SLC25A24: variants seen among roughly 807,000 people sequenced by gnomAD.
SLC25A24 encodes solute carrier family 25 member 24, also known as mitochondrial adenyl nucleotide antiporter SLC25A24.
A neutral mutation model predicts 60.7 loss-of-function variants in SLC25A24; 49 were observed. That is an observed-to-expected ratio of 0.81 (90% CI 0.64 to 1.02). SLC25A24 has a LOEUF of 1.02. Among genes scored for constraint, SLC25A24 ranks in the 50% least tolerant of loss-of-function variants. The pLI, the probability that SLC25A24 is intolerant of heterozygous loss-of-function variation, is 0.00. For missense variants in SLC25A24, 564 were observed against 586.3 expected, an observed-to-expected ratio of 0.96 and a Z score of 0.39; for synonymous variants, 202 against 200.6, an observed-to-expected ratio of 1.01 and a Z score of -0.06.
intron 7 of SLC25A24, among the ~76,000 whole-genome samples, chr1:108,147,873 A>G (rs1679649039): frequency 6.6e-6 from 1 of 151,778 alleles, no homozygotes; most frequent in African/African-American, 2.4e-5. Flanking sequence ...GAGGCAAAAG[A>G]TACCAGCTTT....
rs1279392614 is a variant in SLC25A24 at position 108,200,064 on chromosome 1, C to T, written c.75G>A (p.Glu25=). 2.5e-6 allele frequency: 4 copies of T among 1,598,950 alleles called. No homozygotes were observed. The South Asian group carries it at 3.4e-5, about 14-fold the overall frequency. The change falls in exon 1 of 10, where the codon GAG becomes GAA. Residue 25 remains glutamate, a synonymous_variant. Transcript: ENST00000565488. ...TGCGGTCCAGTGCCTGGAAGAGGGT[C>T]TCGTAGCGCGTCGGCTGCTCCGCGT... is the stretch of plus-strand genomic sequence containing the variant. The part of the protein sequence containing the change: ...CQDAEQPTRY[E]TLFQALDRNG...
Position 108,135,362 on chromosome 1 carries a change from A to C in SLC25A24, c.*1291T>G, listed in dbSNP as rs1221940709. 1.3e-5 allele frequency: 2 copies of C among 152,732 alleles called. No individual in the cohort carries two copies. The highest frequency in any genetic ancestry group is 3.9e-4 in the East Asian group (2 of 5,194). 9.5% of individuals were successfully genotyped at this position (152,732 alleles called of 1,614,324 possible). On this transcript the variant is annotated 3_prime_UTR_variant, in exon 10 of 10. Coordinates refer to ENST00000565488, the MANE Select transcript of SLC25A24 (RefSeq NM_013386.5). ...CATTAAAATGCTGGAAATTTATAAC[A>C]GAAATTATTAGAAGTGAAATGAGTT...
At chr1:108,160,002 T>C (rs1189284244) in intron 4 of SLC25A24, among the ~76,000 whole-genome samples, 1 of 152,002 alleles carries the variant, frequency 6.6e-6, no homozygotes, top group African/African-American at 2.4e-5. Context: ...GATGGGGTGG[T>C]GGCCGGGCAG....
chr1:108,167,154 A>T (rs2101624843), intron 3 of SLC25A24, among the ~76,000 whole-genome samples: 1 of 151,462 alleles, frequency 6.6e-6, no homozygotes, highest in South Asian at 2.1e-4. Flanking sequence ...CCGTTCTCAG[A>T]TCTCCAGCTG....
chr1:108,174,223 G>A (rs942944713), intron 3 of SLC25A24, among the ~76,000 whole-genome samples: 1 of 152,144 alleles, frequency 6.6e-6, no homozygotes, highest in Non-Finnish European at 1.5e-5. Flanking sequence ...ATGGTTTCCT[G>A]GGCCAGGCCC....
At chr1:108,156,533 A>C (rs750418805) in intron 5 of SLC25A24, among the ~76,000 whole-genome samples, 2 of 152,226 alleles carry the variant, frequency 1.3e-5, no homozygotes, top group African/African-American at 2.4e-5. Context: ...ATTTGGGTAC[A>C]TTCTGAAGGA....
chr1:108,161,935 C>T (rs1680097414), intron 3 of SLC25A24, among the ~76,000 whole-genome samples: 1 of 147,890 alleles, frequency 6.8e-6, no homozygotes, highest in African/African-American at 2.5e-5. Flanking sequence ...CTCCCAATGC[C>T]ATCCCTCCCC....
intron 2 of SLC25A24, among the ~76,000 whole-genome samples, chr1:108,183,114 G>A (rs753178980): frequency 5.9e-5 from 9 of 152,166 alleles, no homozygotes; most frequent in Non-Finnish European, 7.4e-5. Context: ...AGGGTCTGGT[G>A]CTGAAGCAGC....
At chr1:108,141,687 C>T (rs1230783486) in intron 8 of SLC25A24, among the ~76,000 whole-genome samples, 1 of 151,934 alleles carries the variant, frequency 6.6e-6, no homozygotes, top group Non-Finnish European at 1.5e-5. Context: ...GCCTTAAAAA[C>T]AAAAAAGTCC....
At chr1:108,196,933 T>C (rs1172914254) in intron 1 of SLC25A24, among the ~76,000 whole-genome samples, 2 of 152,180 alleles carry the variant, frequency 1.3e-5, no homozygotes, top group Non-Finnish European at 2.9e-5. Context: ...TTAGTAATGG[T>C]TAAATACTGT....
At chr1:108,157,175 G>A (rs1402478768) in intron 5 of SLC25A24, among the ~76,000 whole-genome samples, 2 of 152,264 alleles carry the variant, frequency 1.3e-5, no homozygotes, top group East Asian at 1.9e-4. Flanking sequence ...TAAATCAGGA[G>A]AATCCTACAA....
chr1:108,200,031 G>A lies in SLC25A24; in HGVS notation c.108C>T (p.Asp36=), dbSNP rs1384498725. The A allele has an allele frequency of 1.9e-6, 3 of 1,610,502 alleles. No homozygotes were observed. Among genetic ancestry groups the A allele is most frequent in the East Asian group, 2.2e-5 (1 of 44,814 alleles). ...TLFQALDRNG[D]GVVDIGELQE... ...GCAGCTCGCCGATGTCCACCACTCC[G>A]TCCCCATTGCGGTCCAGTGCCTGGA... The change falls in exon 1 of 10, where the codon GAC becomes GAT. Residue 36 remains aspartate (D), a synonymous_variant. Coordinates refer to ENST00000565488, the MANE Select transcript of SLC25A24 (RefSeq NM_013386.5).
At chr1:108,178,095 G>T (rs911891525) in intron 3 of SLC25A24, among the ~76,000 whole-genome samples, 1 of 152,122 alleles carries the variant, frequency 6.6e-6, no homozygotes, top group Admixed American at 6.5e-5. Flanking sequence ...CCGTGAGACG[G>T]GGGCTGCAGT....
intron 3 of SLC25A24, among the ~76,000 whole-genome samples, chr1:108,165,371 CT>C (rs1680218101): frequency 6.6e-6 from 1 of 152,064 alleles, no homozygotes; most frequent in Non-Finnish European, 1.5e-5. Context: ...TCTCATTGGT[CT>C]GTCTAATGTT....
Position 108,143,583 on chromosome 1 carries a change from C to A in SLC25A24, c.1058G>T (p.Gly353Val), listed in dbSNP as rs1332411344. The A allele has an allele frequency of 3.1e-6, 5 of 1,613,614 alleles. No individual in the cohort carries two copies. Among genetic ancestry groups the A allele is most frequent in the Non-Finnish European group, 4.2e-6 (5 of 1,179,770 alleles). The change falls in exon 8 of 10, where the codon GGT becomes GTT. Residue 353 changes from glycine (G) to valine (V), a missense_variant. Coordinates refer to ENST00000565488, the MANE Select transcript of SLC25A24 (RefSeq NM_013386.5). ...FYKGYVPNLL[G>V]IIPYAGIDLA... ...ATCTATGCCTGCATAAGGTATGATA[C>A]CTAATAAATTGGGAACATAGCCTTT...
chr1:108,167,654 G>A (rs145028876), intron 3 of SLC25A24, among the ~76,000 whole-genome samples: 3,849 of 152,228 alleles, frequency 0.025, 154 homozygotes, highest in African/African-American at 0.087. Flanking sequence ...TTCGGCTCGC[G>A]CACGGTGCGC....
intron 8 of SLC25A24, among the ~76,000 whole-genome samples, chr1:108,142,299 C>T (rs926080076): frequency 6.6e-6 from 1 of 152,020 alleles, no homozygotes; most frequent in African/African-American, 2.4e-5. Context: ...GGCATAGACT[C>T]GAACAGATAC....
At chr1:108,161,434 T>A in intron 3 of SLC25A24, 141 bp from the exon 4 acceptor site, 2 of 601,900 alleles carry the variant, frequency 3.3e-6, no homozygotes. Flanking sequence ...CAAATATAGG[T>A]TGTTGGAAAT....
At chr1:108,169,029 T>G (rs1413205049) in intron 3 of SLC25A24, among the ~76,000 whole-genome samples, 1 of 152,196 alleles carries the variant, frequency 6.6e-6, no homozygotes, top group Non-Finnish European at 1.5e-5. Flanking sequence ...CCAATTTCCT[T>G]TTTGTCTGCA....
Sources: allele counts gnomAD v4.1 joint callset (sites outside exome capture counted in the v4.1 genomes callset), GRCh38; gene constraint gnomAD v4.1.1; transcripts MANE v1.5; gene names NCBI Gene and HGNC (gene_info 2026-07-23, HGNC 2026-07-21).